The following AOC3 variants were observed in gnomAD, a reference collection of about 807,000 sequenced individuals.
AOC3 encodes the protein amine oxidase [copper-containing] 3.
AOC3 carries 47 observed loss-of-function variants against 55.4 expected under a neutral mutation model. That is an observed-to-expected ratio of 0.85 (90% CI 0.67 to 1.08). AOC3 has a LOEUF of 1.08. AOC3 is among the 50% of genes least tolerant of loss of function. The pLI is 0.00. For synonymous variants in AOC3, 386 were observed against 410.7 expected, an observed-to-expected ratio of 0.94 and a Z score of 0.73; for missense variants, 853 against 993.1, an observed-to-expected ratio of 0.86 and a Z score of 1.90.
At position 42,851,348 on chromosome 17, in the gene AOC3, A is replaced by G. The variant is rs564234975; in HGVS notation, c.5A>G (p.Asn2Ser). 3.1e-6 allele frequency: 5 copies of G among 1,593,240 alleles called. No individual in the cohort carries two copies. In the African/African-American group the frequency reaches 6.7e-5, roughly 21 times the overall value. Reference protein sequence around the residue: MNQKTILVLLIL... With the variant: MSQKTILVLLIL... ...GCTGTCCCTCTTCGTGGGAAAATGA[A>G]CCAGAAGACAATCCTCGTGCTCCTC... Residue 2 changes from asparagine (N) to serine (S), a missense_variant, in exon 1 of 4, where the codon AAC becomes AGC. Coordinates refer to ENST00000308423, the MANE Select transcript of AOC3 (RefSeq NM_003734.4).
rs1567690047 is a variant in AOC3 at position 42,852,619 on chromosome 17, CGTGATGCCTTTTGT to C, written c.1280_1293del (p.Asp427ValfsTer2). On this transcript the variant is annotated frameshift_variant, in exon 1 of 4. Transcript: ENST00000308423. LOFTEE classifies it high-confidence loss of function. ...GGAGTCCCAGGCCCCCAAGACAATA[CGTGATGCCTTTTGT>C]GTGTTTGAACAGAACCAGGGCCTCC... 1 of 1,614,204 alleles carries C rather than the reference CGTGATGCCTTTTGT, an allele frequency of 6.2e-7. No individual in the cohort carries two copies. The highest frequency in any genetic ancestry group is 2.2e-5 in the East Asian group (1 of 44,876).
chr17:42,852,690 G>C lies in AOC3; in HGVS notation c.1347G>C (p.Ser449=), dbSNP rs115107156. 8 of 1,614,164 alleles carry C rather than the reference G, an allele frequency of 5.0e-6. No homozygotes were observed. The highest frequency in any genetic ancestry group is 1.1e-5 in the South Asian group (1 of 91,080). The change falls in exon 1 of 4, where the codon TCG becomes TCC. Residue 449 remains serine, a synonymous_variant. Transcript: ENST00000308423. ...GGCGACACCACTCAGATCTCTACTC[G>C]CACTACTTTGGGGGTCTTGCGGAAA... is the stretch of plus-strand genomic sequence containing the variant. The part of the protein sequence containing the change: ...PLRRHHSDLY[S]HYFGGLAETV...
In AOC3 at chr17:42,852,335, C is replaced by T. The variant is rs754756035; in HGVS notation, c.992C>T (p.Ala331Val). The T allele has an allele frequency of 1.9e-6, 3 of 1,614,178 alleles. No individual in the cohort carries two copies. In the East Asian group the frequency reaches 6.7e-5, roughly 36 times the overall value. The change falls in exon 1 of 4, where the codon GCC becomes GTC. Residue 331 changes from alanine (A) to valine (V), a missense_variant. Ala to Val is a moderately conservative substitution (Grantham distance 64). Coordinates refer to ENST00000308423, the MANE Select transcript of AOC3 (RefSeq NM_003734.4). ...TTCAGTGTCCAGGGAAGTCGAGTGGCCTCCTCACTGTGGACTTTCTCCTTT... is the reference window on the plus strand; with the variant it reads ...TTCAGTGTCCAGGGAAGTCGAGTGGTCTCCTCACTGTGGACTTTCTCCTTT... The part of the protein sequence containing the change: ...PRFSVQGSRV[A>V]SSLWTFSFGL...
In AOC3 at chr17:42,851,272, A is replaced by C. The variant is rs2055659227; in HGVS notation, c.-72A>C. The C allele has an allele frequency of 6.7e-7, 1 of 1,489,440 alleles. No homozygotes were observed. Among genetic ancestry groups the C allele is most frequent in the South Asian group, 1.3e-5 (1 of 75,696 alleles). 92.3% of individuals were successfully genotyped at this position (1,489,440 alleles called of 1,614,324 possible). ...CCCCACCCCGTCCAGGAGCCAACAG[A>C]GCCCCCGTCTTGCTGGCGTGAGAAT... is the stretch of plus-strand genomic sequence containing the variant. On this transcript the variant is annotated 5_prime_UTR_variant, in exon 1 of 4. Transcript: ENST00000308423.
chr17:42,852,710 C>G lies in AOC3; in HGVS notation c.1367C>G (p.Ala456Gly). 6.2e-7 allele frequency: 1 copy of G among 1,614,210 alleles called. No homozygotes were observed. Among genetic ancestry groups the G allele is most frequent in the Middle Eastern group, 1.6e-4 (1 of 6,062 alleles). The change falls in exon 1 of 4, where the codon GCG becomes GGG. Residue 456 changes from alanine to glycine, a missense_variant. By Grantham distance (60) the Ala-to-Gly change is moderately conservative. Coordinates refer to ENST00000308423, the MANE Select transcript of AOC3 (RefSeq NM_003734.4). ...TACTCGCACTACTTTGGGGGTCTTG[C>G]GGAAACGGTGCTGGTCGTCAGATCT... ...DLYSHYFGGLAETVLVVRSMS... is the reference protein window; with the variant it reads ...DLYSHYFGGLGETVLVVRSMS...
chr17:42,854,645 C>T lies in AOC3; in HGVS notation c.1798C>T (p.Pro600Ser), dbSNP rs1406359971. The T allele has an allele frequency of 6.4e-7, 1 of 1,563,642 alleles. No homozygotes were observed. Among genetic ancestry groups the T allele is most frequent in the Non-Finnish European group, 8.7e-7 (1 of 1,150,604 alleles). The change falls in exon 2 of 4, where the codon CCC becomes TCC. Residue 600 changes from proline (P) to serine (S), a missense_variant. Pro to Ser is a moderately conservative substitution (Grantham distance 74). Transcript: ENST00000308423. ...CAACCACAGCAACAAGTGGGGTCACCCCCGGGGCTACCGCATCCAGATGCT... is the reference window on the plus strand; with the variant it reads ...CAACCACAGCAACAAGTGGGGTCACTCCCGGGGCTACCGCATCCAGATGCT... ...ASNHSNKWGH[P>S]RGYRIQMLSF... is the part of the protein sequence containing the mutation.
At position 42,854,595 on chromosome 17, in the gene AOC3, C is replaced by T; in HGVS notation, c.1748C>T (p.Thr583Ile). The change falls in exon 2 of 4, where the codon ACC becomes ATC. Residue 583 changes from threonine (T) to isoleucine (I), a missense_variant. Transcript: ENST00000308423. ...EQAAFLVGSA[T>I]PRYLYLASNH... ...GCCGCCTTCCTCGTGGGAAGCGCCACCCCTCGCTACCTGTACCTGGCCAGC... is the reference window on the plus strand; with the variant it reads ...GCCGCCTTCCTCGTGGGAAGCGCCATCCCTCGCTACCTGTACCTGGCCAGC... The T allele has an allele frequency of 6.2e-7, 1 of 1,607,232 alleles. No individual in the cohort carries two copies. Among genetic ancestry groups the T allele is most frequent in the Non-Finnish European group, 8.5e-7 (1 of 1,176,614 alleles).
At position 42,855,069 on chromosome 17, in the gene AOC3, A is replaced by G. The variant is rs35091038; in HGVS notation, c.1886+336A>G. Among the ~76,000 whole-genome samples, 470 of 151,650 alleles carry G rather than the reference A, an allele frequency of 3.1e-3. 1 individual carries two copies. The highest frequency in any genetic ancestry group is 0.01 in the African/African-American group (426 of 41,350). Reference sequence around the variant, plus strand: ...ACCATGTTGGCCAGGCTGGTCTCGAACTCCTGACCTCATGATCCACCCTCC... The same window carrying G: ...ACCATGTTGGCCAGGCTGGTCTCGAGCTCCTGACCTCATGATCCACCCTCC... On this transcript the variant is annotated intron_variant, in intron 2 of 3. Transcript: ENST00000308423.
chr17:42,853,229 C>T lies in AOC3; in HGVS notation c.1600+286C>T, dbSNP rs956589550. The T allele has an allele frequency of 4.0e-6, 5 of 1,262,966 alleles. No homozygotes were observed. The African/African-American group carries it at 4.5e-5, about 11-fold the overall frequency. The allele number at this position is 1,262,966 out of a possible 1,614,324, so 78.2% of individuals were successfully genotyped here. On this transcript the variant is annotated intron_variant, in intron 1 of 3. Coordinates refer to ENST00000308423, the MANE Select transcript of AOC3 (RefSeq NM_003734.4). ...GGGCTAACAGTGTCCCCATTGCCCT[C>T]TTCTCTCCCTTGTACTTATATGGGC...
chr17:42,856,245 C>T, intron 3 of AOC3, 30 bp from the exon 4 acceptor site: 1 of 1,608,090 alleles, frequency 6.2e-7, no homozygotes, highest in Non-Finnish European at 8.5e-7. Flanking sequence ...AAAGCCAGAC[C>T]TCGTGATCCT....
chr17:42,857,745 A>G lies in AOC3; in HGVS notation c.*1195A>G, dbSNP rs2055769324. On this transcript the variant is annotated 3_prime_UTR_variant, in exon 4 of 4. Coordinates refer to ENST00000308423, the MANE Select transcript of AOC3 (RefSeq NM_003734.4). ...ACAAAGAAATAGCAAGAGATGAGAA[A>G]CAACAGAAACTTTTTTCTCTAAAGG... The G allele has an allele frequency of 6.6e-6, 1 of 152,240 alleles. No individual in the cohort carries two copies. Among genetic ancestry groups the G allele is most frequent in the Non-Finnish European group, 1.5e-5 (1 of 68,048 alleles). 9.4% of individuals were successfully genotyped at this position (152,240 alleles called of 1,614,324 possible).
In AOC3 at chr17:42,852,691, C is replaced by T. The variant is rs1232717570; in HGVS notation, c.1348C>T (p.His450Tyr). Residue 450 changes from histidine (H) to tyrosine (Y), a missense_variant, in exon 1 of 4, where the codon CAC becomes TAC. By Grantham distance (83) the His-to-Tyr change is moderately conservative. Transcript: ENST00000308423. ...GCGACACCACTCAGATCTCTACTCG[C>T]ACTACTTTGGGGGTCTTGCGGAAAC... ...LRRHHSDLYS[H>Y]YFGGLAETVL... The T allele has an allele frequency of 5.0e-6, 8 of 1,614,116 alleles. No homozygotes were observed. The highest frequency in any genetic ancestry group is 6.8e-6 in the Non-Finnish European group (8 of 1,180,056).
intron 1 of AOC3, chr17:42,853,422 C>G (rs767928708): frequency 4.0e-6 from 4 of 995,034 alleles, no homozygotes; most frequent in Non-Finnish European, 4.8e-6. Context: ...CCTGATTTTC[C>G]TTCTTTCTCT....
In AOC3 at chr17:42,852,928, G is replaced by C. The variant is rs1467844018; in HGVS notation, c.1585G>C (p.Asp529His). 1 of 1,603,360 alleles carries C rather than the reference G, an allele frequency of 6.2e-7. No individual in the cohort carries two copies. Among genetic ancestry groups the C allele is most frequent in the Admixed American group, 1.7e-5 (1 of 59,830 alleles). The change falls in exon 1 of 4, where the codon GAT becomes CAT. Residue 529 changes from aspartate to histidine, a missense_variant. Asp to His is a moderately conservative substitution (Grantham distance 81). Transcript: ENST00000308423. ...VHTHSAHFKV[D>H]LDVAGLENWV... is the part of the protein sequence containing the mutation. ...CACCCACAGCGCCCACTTCAAGGTG[G>C]ATCTGGATGTAGCAGGTAAGACATT... is the stretch of plus-strand genomic sequence containing the variant.
chr17:42,851,777 C>T lies in AOC3; in HGVS notation c.434C>T (p.Pro145Leu). The change falls in exon 1 of 4, where the codon CCA becomes CTA. Residue 145 changes from proline to leucine, a missense_variant. Pro to Leu is a moderately conservative substitution (Grantham distance 98). Transcript: ENST00000308423. ...QPNVSELVVG[P>L]LPHPSYMRDV... ...AACGTGAGTGAGCTGGTGGTGGGGC[C>T]ACTGCCTCACCCCTCCTACATGCGG... is the stretch of plus-strand genomic sequence containing the variant. 1 of 1,612,570 alleles carries T rather than the reference C, an allele frequency of 6.2e-7. No homozygotes were observed. The highest frequency in any genetic ancestry group is 8.5e-7 in the Non-Finnish European group (1 of 1,179,352).
In AOC3 at chr17:42,854,408, C is replaced by A. The variant is rs757169871; in HGVS notation, c.1601-40C>A. ...GGGGCAGAGTCCAGAGGGGCCAGGG[C>A]AGTTGCCTGACAGGCCCTCCCCTAT... is the stretch of plus-strand genomic sequence containing the variant. On this transcript the variant is annotated intron_variant, in intron 1 of 3. Coordinates refer to ENST00000308423, the MANE Select transcript of AOC3 (RefSeq NM_003734.4). The A allele has an allele frequency of 2.1e-5, 30 of 1,450,050 alleles. No individual in the cohort carries two copies. The South Asian group carries it at 4.5e-4, about 22-fold the overall frequency. The allele number at this position is 1,450,050 out of a possible 1,614,324, so 89.8% of individuals were successfully genotyped here.
In AOC3 at chr17:42,856,433, C is replaced by G. The variant is rs375000358; in HGVS notation, c.2175C>G (p.Phe725Leu). 1.4e-5 allele frequency: 22 copies of G among 1,614,072 alleles called. No individual in the cohort carries two copies. The highest frequency in any genetic ancestry group is 1.1e-4 in the African/African-American group (8 of 74,932). The change falls in exon 4 of 4, where the codon TTC (phenylalanine) becomes TTG (leucine). Residue 725 changes from phenylalanine to leucine, a missense_variant. Coordinates refer to ENST00000308423, the MANE Select transcript of AOC3 (RefSeq NM_003734.4). ...TCTACTCTGCCGACTCCATCTACTTCCGAGGGGACCAGGATGCTGGGGCCT... is the reference window on the plus strand; with the variant it reads ...TCTACTCTGCCGACTCCATCTACTTGCGAGGGGACCAGGATGCTGGGGCCT... ...PSFYSADSIY[F>L]RGDQDAGACE...
At chr17:42,854,881 T>G in intron 2 of AOC3, 148 bp downstream of exon 2, 10 of 881,758 alleles carry the variant, frequency 1.1e-5, no homozygotes, top group South Asian at 3.7e-5. Flanking sequence ...AGATGGAGTT[T>G]TGCTCTGTTG....
chr17:42,854,308 C>G, intron 1 of AOC3, 140 bp from the exon 2 acceptor site: 1 of 710,550 alleles, frequency 1.4e-6, no homozygotes, highest in Non-Finnish European at 2.0e-6. Context: ...TTGGAGGTAT[C>G]CTGGGGAGAG....
Sources: allele counts gnomAD v4.1 joint callset (sites outside exome capture counted in the v4.1 genomes callset), GRCh38; gene constraint gnomAD v4.1.1; transcripts MANE v1.5; gene names NCBI Gene and HGNC (gene_info 2026-07-23, HGNC 2026-07-21).